The following ADGRB1 variants were observed in gnomAD, a reference collection of about 807,000 sequenced individuals.
ADGRB1 encodes the protein brain-specific angiogenesis inhibitor 1.
ADGRB1 carries 36 observed loss-of-function variants against 175.7 expected under a neutral mutation model. The ratio of observed to expected loss-of-function variants is 0.20; its 90% CI spans 0.16 to 0.27. ADGRB1 has a LOEUF of 0.27. Ranked by LOEUF, ADGRB1 falls within the 10% of genes least tolerant of loss-of-function variation. The pLI is 1.00. For synonymous variants in ADGRB1, 1,054 were observed against 979.4 expected (o/e 1.08, Z -1.42); for missense variants, 1,731 against 2,255.3 (o/e 0.77, Z 4.71).
chr8:142,521,829 T>C (rs1843868278), intron 20 of ADGRB1, 136 bp from the exon 21 acceptor site: 1 of 1,012,030 alleles, frequency 9.9e-7, no homozygotes, highest in Non-Finnish European at 1.4e-6. Flanking sequence ...CTGGATTGCC[T>C]TCTGCCTGGG....
intron 9 of ADGRB1, 121 bp downstream of exon 9, chr8:142,479,915 G>A: frequency 8.9e-7 from 1 of 1,121,698 alleles, no homozygotes; most frequent in Non-Finnish European, 1.3e-6. Context: ...CAGCCTGCGT[G>A]TGCTGGCGCG....
rs1845285487 is a variant in ADGRB1, at chr8:142,541,790, C to A, written c.3707-151C>A. 9.7e-6 allele frequency: 8 copies of A among 827,328 alleles called. No homozygotes were observed. The South Asian group carries it at 1.5e-4, about 15-fold the overall frequency. 51.2% of individuals were successfully genotyped at this position (827,328 alleles called of 1,614,324 possible). A position where few individuals can be genotyped will look rare whatever the true frequency, so the allele number is the denominator to read the frequency against. On this transcript the variant is annotated intron_variant, in intron 27 of 30. Transcript: ENST00000517894. ...TGGGTAGGGTGGTACCTGCAGTTGG[C>A]CCTCCGATCGGTACCCAGCAGGACC...
intron 22 of ADGRB1, 114 bp downstream of exon 22, chr8:142,522,824 C>A: frequency 8.3e-7 from 1 of 1,201,580 alleles, no homozygotes; most frequent in Non-Finnish European, 1.1e-6. Context: ...CTGATCATCT[C>A]ACAGAGGCTC....
At chr8:142,525,050 C>T (rs975202727) in intron 23 of ADGRB1, among the ~76,000 whole-genome samples, 4 of 152,126 alleles carry the variant, frequency 2.6e-5, no homozygotes, top group Admixed American at 6.5e-5. Context: ...CTGCCATGAG[C>T]GGTGTCTCTG....
chr8:142,544,318 G>A lies in ADGRB1; in HGVS notation c.4656G>A (p.Gln1552=). 1 of 1,548,938 alleles carries A rather than the reference G, an allele frequency of 6.5e-7. No individual in the cohort carries two copies. The highest frequency in any genetic ancestry group is 2.4e-5 in the East Asian group (1 of 40,902). The change falls in exon 31 of 31, where the codon CAG becomes CAA. Residue 1552 remains glutamine (Q), a synonymous_variant. Coordinates refer to ENST00000517894, the MANE Select transcript of ADGRB1 (RefSeq NM_001702.3). ...TGAAGAAGGAGCTGGAGCCGCTGCA[G>A]CCGTCGCCGCTGGAGCTTCGCAGCG... The part of the protein sequence containing the change: ...TWVKKELEPL[Q]PSPLELRSVE...
chr8:142,509,949 CAGGCAGGA>C (rs1376630354), intron 17 of ADGRB1, among the ~76,000 whole-genome samples: 1 of 152,134 alleles, frequency 6.6e-6, no homozygotes, highest in African/African-American at 2.4e-5. Context: ...CAAGCCCCAG[CAGGCAGGA>C]AGGCAGGCCC....
chr8:142,513,401 G>A (rs1843212265), intron 18 of ADGRB1, among the ~76,000 whole-genome samples: 1 of 152,208 alleles, frequency 6.6e-6, no homozygotes, highest in African/African-American at 2.4e-5. Context: ...GCCCCTTGGG[G>A]CCTTCCTGTC....
At chr8:142,541,734 A>G (rs1301042644) in intron 27 of ADGRB1, among the ~76,000 whole-genome samples, 5 of 152,158 alleles carry the variant, frequency 3.3e-5, no homozygotes, top group Admixed American at 2.0e-4. Context: ...ATCTGAGGAC[A>G]CAGGAACCCT....
chr8:142,480,690 C>T (rs1355146583), intron 9 of ADGRB1, among the ~76,000 whole-genome samples: 1 of 152,214 alleles, frequency 6.6e-6, no homozygotes, highest in Non-Finnish European at 1.5e-5. Context: ...GGTGTCAGGG[C>T]TGCGACAGTT....
chr8:142,530,030 ATC>A (rs765644683), intron 24 of ADGRB1, among the ~76,000 whole-genome samples: 5 of 150,474 alleles, frequency 3.3e-5, no homozygotes, highest in African/African-American at 7.4e-5. Flanking sequence ...GTGAGCGTGC[ATC>A]TCTGTGTGTG....
At position 142,526,621 on chromosome 8, in the gene ADGRB1, G is replaced by A; in HGVS notation, c.3392G>A (p.Arg1131Gln). The change falls in exon 24 of 31, where the codon CGG (arginine) becomes CAG (glutamine). Residue 1131 changes from arginine to glutamine, a missense_variant. Physicochemically the swap from Arg to Gln is conservative, Grantham distance 43. Around this residue, in one of 8 missense-constraint regions of ADGRB1, gnomAD observed 301 missense variants for 488.4 expected, o/e 0.62. Transcript: ENST00000517894. The part of the protein sequence containing the change: ...DGITDKKLKE[R>Q]AGASLWSSCV... ...ATCACGGACAAGAAGCTGAAGGAGC[G>A]GGCAGGGTAGGACCGGGGCTACGCG... 5.0e-6 allele frequency: 8 copies of A among 1,610,842 alleles called. No homozygotes were observed. Among genetic ancestry groups the A allele is most frequent in the Middle Eastern group, 1.7e-4 (1 of 6,054 alleles).
At chr8:142,509,196 T>C (rs1393904126) in intron 17 of ADGRB1, among the ~76,000 whole-genome samples, 3 of 152,212 alleles carry the variant, frequency 2.0e-5, no homozygotes, top group African/African-American at 7.2e-5. Flanking sequence ...GAGGCTGCTC[T>C]GGGCTATCAG....
chr8:142,500,137 C>G (rs1303848545), intron 17 of ADGRB1, among the ~76,000 whole-genome samples: 1 of 152,012 alleles, frequency 6.6e-6, no homozygotes, highest in Non-Finnish European at 1.5e-5. Context: ...CCCATGGCTG[C>G]CGTCCGGCGC....
intron 17 of ADGRB1, among the ~76,000 whole-genome samples, chr8:142,499,695 C>T (rs1842397886): frequency 1.3e-5 from 2 of 152,240 alleles, no homozygotes; most frequent in African/African-American, 2.4e-5. Flanking sequence ...GGCCCCTTGC[C>T]TGCGTCCCCA....
chr8:142,460,763 C>T (rs958851125), intron 1 of ADGRB1, among the ~76,000 whole-genome samples: 2 of 152,208 alleles, frequency 1.3e-5, no homozygotes, highest in African/African-American at 4.8e-5. Flanking sequence ...AGAAGTGGGC[C>T]GTGTGCACCT....
chr8:142,519,883 T>C (rs890552815), intron 19 of ADGRB1, among the ~76,000 whole-genome samples: 1 of 150,090 alleles, frequency 6.7e-6, no homozygotes, highest in Non-Finnish European at 1.5e-5. Flanking sequence ...CTGGTGATTG[T>C]GGTGGTGGTT....
chr8:142,465,667 C>T (rs1356340893), intron 2 of ADGRB1, among the ~76,000 whole-genome samples: 1 of 152,118 alleles, frequency 6.6e-6, no homozygotes, highest in Non-Finnish European at 1.5e-5. Flanking sequence ...ACACGAGCAG[C>T]CAGGCCTCAG....
chr8:142,523,255 G>A (rs934146508), intron 22 of ADGRB1, among the ~76,000 whole-genome samples: 1 of 152,154 alleles, frequency 6.6e-6, no homozygotes, highest in African/African-American at 2.4e-5. Context: ...ATGGTTCACC[G>A]GGTAGGGAGA....
At position 142,464,454 on chromosome 8, in the gene ADGRB1, G is replaced by A. The variant is rs751262467; in HGVS notation, c.256G>A (p.Val86Met). 1.3e-6 allele frequency: 2 copies of A among 1,578,484 alleles called. No individual in the cohort carries two copies. The highest frequency in any genetic ancestry group is 2.3e-5 in the South Asian group (2 of 86,340). Residue 86 changes from valine to methionine, a missense_variant, in exon 2 of 31, where the codon GTG becomes ATG. By Grantham distance (21) the Val-to-Met change is conservative. Transcript: ENST00000517894. ...GCGGCGCTACACTCTCTACATGAAG[G>A]TGGCCAAGGCGCCCGTGCCCTGCAG... Reference protein sequence around the residue: ...DPRRYTLYMKVAKAPVPCSGP... With the variant: ...DPRRYTLYMKMAKAPVPCSGP...
Sources: allele counts gnomAD v4.1 joint callset (sites outside exome capture counted in the v4.1 genomes callset), GRCh38; gene constraint gnomAD v4.1.1; regional missense constraint gnomAD v4.1.1; transcripts MANE v1.5; gene names NCBI Gene and HGNC (gene_info 2026-07-23, HGNC 2026-07-21).